Variants in AFF2 observed in about 807,000 individuals in gnomAD.
AFF2 encodes the protein AF4/FMR2 family member 2.
In AFF2, 14 loss-of-function variants were observed where a neutral mutation model predicts 76.9. That is an observed-to-expected ratio of 0.18 (90% CI 0.12 to 0.28). The LOEUF (loss-of-function observed/expected upper bound fraction) is 0.28, where lower values mean the gene tolerates loss of function less well. Ranked by LOEUF, AFF2 falls within the 10% of genes least tolerant of loss-of-function variation. The pLI, the probability that AFF2 is intolerant of heterozygous loss-of-function variation, is 1.00. For missense variants in AFF2, 868 were observed against 1,001.1 expected (o/e 0.87, Z 1.79); for synonymous variants, 398 against 366.7 (o/e 1.09, Z -0.98).
chrX:148,843,484 A>T, intron 7 of AFF2, 51 bp downstream of exon 7: 1 of 1,017,715 alleles, frequency 9.8e-7, no homozygotes, highest in Non-Finnish European at 1.4e-6. Context: ...TTTGGCAAGG[A>T]AACAGTGCCT....
intron 7 of AFF2, among the ~76,000 whole-genome samples, chrX:148,854,651 A>G (rs1288640037): frequency 9.0e-6 from 1 of 111,516 alleles, no homozygotes; most frequent in African/African-American, 3.3e-5. Flanking sequence ...TGATTTGCTT[A>G]GTGGCATAAA....
chrX:148,641,950 T>C (rs2054093334), intron 1 of AFF2, among the ~76,000 whole-genome samples: 1 of 112,333 alleles, frequency 8.9e-6, no homozygotes, highest in Non-Finnish European at 1.9e-5. Flanking sequence ...AATGTCATAT[T>C]CTGAGGTACT....
At chrX:148,718,986 G>A in intron 3 of AFF2, 2 of 808,557 alleles carry the variant, frequency 2.5e-6, no homozygotes, top group Non-Finnish European at 3.3e-6. Context: ...TAACAAAACA[G>A]AGTTTAAATT....
intron 3 of AFF2, among the ~76,000 whole-genome samples, chrX:148,800,928 A>G (rs1557270861): frequency 8.9e-6 from 1 of 112,586 alleles, no homozygotes; most frequent in South Asian, 3.7e-4. Flanking sequence ...AATGTTCTAA[A>G]GGAATGATTT....
intron 9 of AFF2, among the ~76,000 whole-genome samples, chrX:148,925,113 C>T (rs986083484): frequency 2.4e-4 from 27 of 112,574 alleles, no homozygotes; most frequent in African/African-American, 8.4e-4. Flanking sequence ...TGCATGAGCA[C>T]TGTGGCTCCA....
intron 3 of AFF2, among the ~76,000 whole-genome samples, chrX:148,701,612 G>A (rs1463291723): frequency 8.9e-6 from 1 of 112,145 alleles, no homozygotes; most frequent in Non-Finnish European, 1.9e-5. Context: ...ATACTCTACA[G>A]AATAGCACTA....
chrX:148,848,475 C>T lies in AFF2; in HGVS notation c.1262+5042C>T, dbSNP rs1403407535. Among the ~76,000 whole-genome samples, 4 of 112,006 alleles carry T rather than the reference C, an allele frequency of 3.6e-5. No homozygotes were observed. The Admixed American group carries it at 3.8e-4, about 11-fold the overall frequency. ...CCTTCATCACTGGAAATGTTTCCTT[C>T]GAGATTTTGATTTGAAATTTAAGAA... is the stretch of plus-strand genomic sequence containing the variant. On this transcript the variant is annotated intron_variant, in intron 7 of 20. Coordinates refer to ENST00000370460, the MANE Select transcript of AFF2 (RefSeq NM_002025.4).
chrX:148,548,494 G>A (rs1473987026), intron 1 of AFF2, among the ~76,000 whole-genome samples: 1 of 111,698 alleles, frequency 9.0e-6, no homozygotes, highest in Non-Finnish European at 1.9e-5. Context: ...GAGTGCAGTG[G>A]TGCAATCTTG....
chrX:148,902,509 T>C (rs2071365288), intron 8 of AFF2, among the ~76,000 whole-genome samples: 1 of 112,033 alleles, frequency 8.9e-6, no homozygotes, highest in South Asian at 3.7e-4. Flanking sequence ...TGCATGTATG[T>C]ACAGACTGGG....
Position 148,518,202 on chromosome X carries a change from C to A in AFF2, c.47+17058C>A, listed in dbSNP as rs1483846295. On this transcript the variant is annotated intron_variant, in intron 1 of 20. Coordinates refer to ENST00000370460, the MANE Select transcript of AFF2 (RefSeq NM_002025.4). ...AGGTCTATTAAAAGGACTTTATATT[C>A]CATTTTGCTTTGGTCTGGTCTTGGC... is the stretch of plus-strand genomic sequence containing the variant. Among the ~76,000 whole-genome samples the A allele has an allele frequency of 1.2e-4, 13 of 111,070 alleles. No individual in the cohort carries two copies. The Admixed American group carries it at 1.2e-3, about 11-fold the overall frequency.
intron 3 of AFF2, among the ~76,000 whole-genome samples, chrX:148,688,593 A>G (rs5936416): frequency 0.53 from 59,029 of 110,394 alleles, 13,116 homozygotes; most frequent in Non-Finnish European, 0.72. Flanking sequence ...CCTTGTACCT[A>G]GCACAGAACG....
intron 7 of AFF2, among the ~76,000 whole-genome samples, chrX:148,864,715 G>A (rs1173728477): frequency 8.9e-6 from 1 of 111,948 alleles, no homozygotes; most frequent in Non-Finnish European, 1.9e-5. Context: ...TTTGCAAGCA[G>A]CATAAGGGTT....
intron 3 of AFF2, among the ~76,000 whole-genome samples, chrX:148,748,717 C>T (rs2055457839): frequency 9.0e-6 from 1 of 111,471 alleles, no homozygotes; most frequent in Non-Finnish European, 1.9e-5. Flanking sequence ...CATATGTAAG[C>T]ACTTGAGACC....
chrX:148,801,551 C>G (rs1336332766), intron 3 of AFF2, among the ~76,000 whole-genome samples: 4 of 111,502 alleles, frequency 3.6e-5, no homozygotes, highest in African/African-American at 1.3e-4. Flanking sequence ...TGCCTTCCCT[C>G]CTGTTACAAT....
chrX:148,704,460 G>A (rs201942566), intron 3 of AFF2, among the ~76,000 whole-genome samples: 637 of 14,823 alleles, frequency 0.043, 131 homozygotes, highest in Non-Finnish European at 0.058. Context: ...TTATATATGT[G>A]TATATATTTA....
At chrX:148,894,399 T>C (rs782302760) in intron 8 of AFF2, among the ~76,000 whole-genome samples, 1 of 111,514 alleles carries the variant, frequency 9.0e-6, no homozygotes, top group East Asian at 2.8e-4. Context: ...ATATTTACTT[T>C]TATCTTTATT....
intron 3 of AFF2, among the ~76,000 whole-genome samples, chrX:148,673,952 TA>T (rs1257649374): frequency 8.9e-6 from 1 of 112,777 alleles, no homozygotes; most frequent in African/African-American, 3.2e-5. Flanking sequence ...AGATAATAGA[TA>T]AAAAATAATT....
chrX:148,577,191 G>A (rs970138095), intron 1 of AFF2, among the ~76,000 whole-genome samples: 1 of 111,742 alleles, frequency 8.9e-6, no homozygotes, highest in African/African-American at 3.3e-5. Flanking sequence ...GAAGTTTCTA[G>A]ACCTGCTCTA....
At chrX:148,911,943 T>A (rs1557281999) in intron 9 of AFF2, among the ~76,000 whole-genome samples, 1 of 112,164 alleles carries the variant, frequency 8.9e-6, no homozygotes, top group Non-Finnish European at 1.9e-5. Flanking sequence ...ACGTGTATGT[T>A]CATTGCAGCA....
Sources: gnomAD v4.1 joint callset for allele counts (sites outside exome capture counted in the v4.1 genomes callset) on GRCh38, gnomAD v4.1.1 for gene constraint, MANE v1.5 for transcripts, NCBI Gene and HGNC (gene_info 2026-07-23, HGNC 2026-07-21) for gene names.